The following OR2L13 variants were observed in gnomAD, a reference collection of about 807,000 sequenced individuals.
OR2L13 encodes the protein olfactory receptor family 2 subfamily L member 13, also known as olfactory receptor 2L13.
OR2L13 carries 14 observed loss-of-function variants against 15.3 expected under a neutral mutation model. The ratio of observed to expected loss-of-function variants is 0.91; its 90% CI spans 0.60 to 1.43. The LOEUF (loss-of-function observed/expected upper bound fraction) is 1.43, where lower values mean the gene tolerates loss of function less well. Ranked by LOEUF, OR2L13 falls within the 40% of genes most tolerant of loss-of-function variation. OR2L13 has a pLI of 0.00. For missense variants in OR2L13, 367 were observed against 387.9 expected, an observed-to-expected ratio of 0.95 and a Z score of 0.45; for synonymous variants, 152 against 142.9, an observed-to-expected ratio of 1.06 and a Z score of -0.45.
At chr1:247,967,175 A>G in the OR2L13 span, among the ~76,000 whole-genome samples, 3 of 152,008 alleles carry the variant, frequency 2.0e-5, no homozygotes, top group Admixed American at 6.6e-5. Flanking sequence ...CTCTTAAGAC[A>G]CAATGCACAT....
At chr1:248,000,412 A>C in the OR2L13 span, among the ~76,000 whole-genome samples, 2 of 152,138 alleles carry the variant, frequency 1.3e-5, no homozygotes, top group African/African-American at 4.8e-5. Flanking sequence ...AGTAGACTAT[A>C]GGTGAAAAAT....
At chr1:248,101,041 TC>T (rs1405249093) in exon 3 of OR2L13, 1 of 152,288 alleles carries the variant, frequency 6.6e-6, no homozygotes, top group East Asian at 1.9e-4. Flanking sequence ...GGAGAGCTTA[TC>T]TGACTTATGA....
chr1:248,060,689 A>G, the OR2L13 span: 2 of 1,611,728 alleles, frequency 1.2e-6, no homozygotes, highest in Non-Finnish European at 1.7e-6. Flanking sequence ...CCCATGGAAA[A>G]TTACAATCAA....
the OR2L13 span, among the ~76,000 whole-genome samples, chr1:248,001,657 CAG>C: frequency 4.0e-5 from 6 of 151,728 alleles, no homozygotes; most frequent in Non-Finnish European, 7.4e-5. Context: ...ATTATTGAAA[CAG>C]AAACATCATG....
At chr1:248,068,465 C>G in the OR2L13 span, among the ~76,000 whole-genome samples, 1 of 152,164 alleles carries the variant, frequency 6.6e-6, no homozygotes, top group Non-Finnish European at 1.5e-5. Flanking sequence ...AACTAACAAA[C>G]AGAAAGGACA....
chr1:248,043,542 T>C, the OR2L13 span, among the ~76,000 whole-genome samples: 2 of 152,144 alleles, frequency 1.3e-5, no homozygotes, highest in African/African-American at 4.8e-5. Context: ...TCGGTGGCCC[T>C]ATTTGGACAG....
At chr1:248,070,439 C>T in the OR2L13 span, among the ~76,000 whole-genome samples, 1 of 152,062 alleles carries the variant, frequency 6.6e-6, no homozygotes, top group Non-Finnish European at 1.5e-5. Flanking sequence ...AGAACAAAGA[C>T]ACAACATACC....
At chr1:248,084,679 CT>C in the OR2L13 span, 558 of 1,496,832 alleles carry the variant, frequency 3.7e-4, 1 homozygote, top group East Asian at 0.01. Context: ...TAACTTCCCT[CT>C]TTTTTTTCAT....
the OR2L13 span, chr1:248,039,220 G>A: frequency 1.3e-6 from 2 of 1,591,710 alleles, no homozygotes; most frequent in South Asian, 1.2e-5. Flanking sequence ...TACGTTCTGT[G>A]TTAGAGTCAA....
the OR2L13 span, among the ~76,000 whole-genome samples, chr1:247,988,562 T>TTG: frequency 6.6e-6 from 1 of 152,090 alleles, no homozygotes; most frequent in Non-Finnish European, 1.5e-5. Flanking sequence ...GTGTACATCT[T>TTG]TGTGTGTGTG....
At chr1:248,006,442 C>A in the OR2L13 span, among the ~76,000 whole-genome samples, 2 of 152,052 alleles carry the variant, frequency 1.3e-5, no homozygotes, top group Admixed American at 1.3e-4. Context: ...ATTGAAACTT[C>A]CAATGATAAC....
chr1:248,012,803 T>A, the OR2L13 span, among the ~76,000 whole-genome samples: 1 of 152,082 alleles, frequency 6.6e-6, no homozygotes, highest in Non-Finnish European at 1.5e-5. Flanking sequence ...ATCAATTAAT[T>A]AAATAAATGA....
At chr1:247,971,364 A>G in the OR2L13 span, among the ~76,000 whole-genome samples, 2 of 152,114 alleles carry the variant, frequency 1.3e-5, no homozygotes, top group Non-Finnish European at 2.9e-5. Context: ...GGGATTGTGG[A>G]AGAAAGGTTG....
the OR2L13 span, chr1:247,937,636 G>A: frequency 6.6e-6 from 1 of 150,946 alleles, no homozygotes; most frequent in South Asian, 1.7e-4. Context: ...TGGTTCAGGG[G>A]ACTCCTCCCC....
chr1:247,943,564 T>C, the OR2L13 span, among the ~76,000 whole-genome samples: 1 of 152,294 alleles, frequency 6.6e-6, no homozygotes, highest in Admixed American at 6.5e-5. Flanking sequence ...TTGATGTTTT[T>C]TGACTTTATG....
the OR2L13 span, among the ~76,000 whole-genome samples, chr1:248,075,368 A>C: frequency 6.6e-6 from 1 of 152,260 alleles, no homozygotes; most frequent in Non-Finnish European, 1.5e-5. Flanking sequence ...GTATATACCC[A>C]GTAATGGGAT....
chr1:248,026,434 C>T, the OR2L13 span, among the ~76,000 whole-genome samples: 50 of 152,288 alleles, frequency 3.3e-4, no homozygotes, highest in African/African-American at 1.0e-3. Context: ...GTATGGTTCA[C>T]GTTGGTTCTC....
the OR2L13 span, chr1:247,965,453 T>C: frequency 6.2e-7 from 1 of 1,613,860 alleles, no homozygotes. Flanking sequence ...ATAAACTCTC[T>C]TCTCTTTGTC....
the OR2L13 span, among the ~76,000 whole-genome samples, chr1:248,079,193 G>C: frequency 3.3e-5 from 5 of 152,116 alleles, no homozygotes; most frequent in Non-Finnish European, 5.9e-5. Context: ...TCCTGGGTTT[G>C]ATAATGTACT....
Sources: allele counts gnomAD v4.1 joint callset (sites outside exome capture counted in the v4.1 genomes callset), GRCh38; gene constraint gnomAD v4.1.1; transcripts MANE v1.5; gene names NCBI Gene and HGNC (gene_info 2026-07-23, HGNC 2026-07-21).